The following AFAP1L2 variants were observed in gnomAD, a reference collection of about 807,000 sequenced individuals.
AFAP1L2 encodes the protein actin filament-associated protein 1-like 2.
In AFAP1L2, 46 loss-of-function variants were observed where a neutral mutation model predicts 99.3. That is an observed-to-expected ratio of 0.46 (90% confidence interval 0.37 to 0.59). The LOEUF is 0.59. AFAP1L2 is among the 20% of genes least tolerant of loss of function. AFAP1L2 has a pLI of 0.00. For synonymous variants in AFAP1L2, 397 were observed against 419.1 expected, an observed-to-expected ratio of 0.95 and a Z score of 0.64; for missense variants, 959 against 1,034.9, an observed-to-expected ratio of 0.93 and a Z score of 1.01.
At chr10:114,352,491 A>AAAAAAAAC (rs1369396292) in intron 1 of AFAP1L2, among the ~76,000 whole-genome samples, 41 of 150,278 alleles carry the variant, frequency 2.7e-4, no homozygotes, top group Non-Finnish European at 5.9e-4. Flanking sequence ...AAAAAAAAAA[A>AAAAAAAAC]AAAAAAAAGC....
At chr10:114,352,764 G>A (rs1004748501) in intron 1 of AFAP1L2, among the ~76,000 whole-genome samples, 1 of 152,228 alleles carries the variant, frequency 6.6e-6, no homozygotes, top group Non-Finnish European at 1.5e-5. Context: ...GTGTCTACCA[G>A]GTCCTTTGGT....
chr10:114,327,147 T>TATATATATATA (rs2046408453), intron 4 of AFAP1L2, among the ~76,000 whole-genome samples: 1 of 54,534 alleles, frequency 1.8e-5, no homozygotes, highest in Non-Finnish European at 4.9e-5. Context: ...TTATATATAT[T>TATATATATATA]TATATATATA....
chr10:114,291,230 G>A (rs1325786731), downstream of AFAP1L2: 12 of 1,550,384 alleles, frequency 7.7e-6, no homozygotes, highest in African/African-American at 1.4e-5. Context: ...TTCTTGAGAC[G>A]CCCCTGAGGC....
intron 6 of AFAP1L2, 140 bp from the exon 7 acceptor site, chr10:114,314,190 C>T (rs1228950101): frequency 4.2e-5 from 30 of 719,970 alleles, no homozygotes; most frequent in Admixed American, 1.2e-4. Context: ...CTGGACACCC[C>T]GAAGCAGGCC....
At chr10:114,290,750 G>A (rs780035447), downstream of AFAP1L2, among the ~76,000 whole-genome samples, 8 of 152,202 alleles carry the variant, frequency 5.3e-5, no homozygotes, top group Non-Finnish European at 8.8e-5. Context: ...ACGGAGGCAG[G>A]GATGGGTAAA....
intron 1 of AFAP1L2, among the ~76,000 whole-genome samples, chr10:114,379,270 T>C (rs4751674): frequency 0.7 from 106,472 of 151,172 alleles, 37,985 homozygotes; most frequent in East Asian, 0.81. Flanking sequence ...GGAGTCTGGA[T>C]CAGAGAGCCC....
At chr10:114,355,057 A>G (rs1413761880) in intron 1 of AFAP1L2, among the ~76,000 whole-genome samples, 1 of 152,216 alleles carries the variant, frequency 6.6e-6, no homozygotes, top group Non-Finnish European at 1.5e-5. Context: ...TCCAAGCACA[A>G]AATCGACAGG....
Position 114,331,867 on chromosome 10 carries a change from C to A in AFAP1L2, c.251G>T (p.Gly84Val). 7.3e-7 allele frequency: 1 copy of A among 1,366,270 alleles called. No individual in the cohort carries two copies. The highest frequency in any genetic ancestry group is 9.5e-7 in the Non-Finnish European group (1 of 1,051,514). 84.6% of individuals were successfully genotyped at this position (1,366,270 alleles called of 1,614,324 possible). The change falls in exon 4 of 19, where the codon GGG becomes GTG. Residue 84 changes from glycine to valine, a missense_variant. By Grantham distance (109) the Gly-to-Val change is moderately radical (BLOSUM62 -3). Coordinates refer to ENST00000304129, the MANE Select transcript of AFAP1L2 (RefSeq NM_001001936.3). ...APEEQGLLPN[G>V]EPSQHSSAPQ... is the part of the protein sequence containing the mutation. ...GGCCGAGGAGTGCTGGCTGGGCTCC[C>A]CATTGGGTAGCAGGCCCTGCTCCTC...
chr10:114,374,476 C>A (rs1336116991), intron 1 of AFAP1L2, among the ~76,000 whole-genome samples: 2 of 152,082 alleles, frequency 1.3e-5, no homozygotes, highest in Admixed American at 6.5e-5. Flanking sequence ...CCCAGCTGAG[C>A]GAGAGAGACT....
At chr10:114,282,738 A>G in the AFAP1L2 span, among the ~76,000 whole-genome samples, 1 of 152,178 alleles carries the variant, frequency 6.6e-6, no homozygotes, top group Non-Finnish European at 1.5e-5. Flanking sequence ...TGACTCCCTC[A>G]ATGGTGTTTG....
the AFAP1L2 span, chr10:114,286,586 A>C: frequency 7.6e-7 from 1 of 1,307,658 alleles, no homozygotes; most frequent in Admixed American, 2.6e-5. Context: ...CCACCTAACC[A>C]TCATTTTCTG....
At chr10:114,384,535 G>A (rs528331696) in intron 1 of AFAP1L2, among the ~76,000 whole-genome samples, 4 of 152,334 alleles carry the variant, frequency 2.6e-5, no homozygotes, top group African/African-American at 9.6e-5. Flanking sequence ...GTTGCCTGGG[G>A]TGAAATTTAT....
At chr10:114,348,086 A>G (rs1325335385) in intron 1 of AFAP1L2, among the ~76,000 whole-genome samples, 1 of 152,072 alleles carries the variant, frequency 6.6e-6, no homozygotes, top group Non-Finnish European at 1.5e-5. Context: ...CCTTAGCATT[A>G]TGTTTTCAAG....
At chr10:114,393,360 C>T (rs551528197) in intron 1 of AFAP1L2, 8 of 152,372 alleles carry the variant, frequency 5.3e-5, no homozygotes, top group African/African-American at 1.7e-4. Flanking sequence ...ACACTCTCGC[C>T]CTGATTGGTG....
chr10:114,390,402 C>T (rs4751756), intron 1 of AFAP1L2, among the ~76,000 whole-genome samples: 68,096 of 151,930 alleles, frequency 0.45, 15,641 homozygotes, highest in Admixed American at 0.55. Context: ...ATTGCTAGAT[C>T]GTATGGTAAG....
At chr10:114,320,675 G>C (rs2045076331) in intron 5 of AFAP1L2, among the ~76,000 whole-genome samples, 1 of 152,182 alleles carries the variant, frequency 6.6e-6, no homozygotes, top group South Asian at 2.1e-4. Flanking sequence ...CGACCAATAT[G>C]AACTCACAGT....
At chr10:114,336,639 T>C (rs900144872) in intron 2 of AFAP1L2, among the ~76,000 whole-genome samples, 2 of 150,252 alleles carry the variant, frequency 1.3e-5, no homozygotes, top group African/African-American at 4.9e-5. Context: ...TACAGAACAT[T>C]TGAAGTGCTT....
At chr10:114,307,737 G>T in intron 10 of AFAP1L2, 68 bp downstream of exon 10, 1 of 1,372,286 alleles carries the variant, frequency 7.3e-7, no homozygotes, top group African/African-American at 1.4e-5. Flanking sequence ...CGCTGTCTGA[G>T]CTCGCCTTCC....
chr10:114,284,966 CTG>C, the AFAP1L2 span: 2 of 1,596,148 alleles, frequency 1.3e-6, no homozygotes, highest in East Asian at 4.6e-5. Context: ...GGGAGGCTAA[CTG>C]TGGTAGGTAT....
Sources: gnomAD v4.1 joint callset for allele counts (sites outside exome capture counted in the v4.1 genomes callset) on GRCh38, gnomAD v4.1.1 for gene constraint, MANE v1.5 for transcripts, NCBI Gene and HGNC (gene_info 2026-07-23, HGNC 2026-07-21) for gene names.